SMOC2: variants seen among roughly 807,000 people sequenced by gnomAD.
SMOC2 encodes the protein SPARC-related modular calcium-binding protein 2.
Under a neutral mutation model 61.4 loss-of-function variants are expected in SMOC2, and 39 were observed. That is an observed-to-expected ratio of 0.64 (90% CI 0.49 to 0.83). The LOEUF (loss-of-function observed/expected upper bound fraction) is 0.83, where lower values mean the gene tolerates loss of function less well. Among genes scored for constraint, SMOC2 ranks in the 40% least tolerant of loss-of-function variants. The pLI is 0.00. For missense variants in SMOC2, 556 were observed against 592.9 expected (o/e 0.94, Z 0.65); for synonymous variants, 247 against 239.9 (o/e 1.03, Z -0.27).
intron 7 of SMOC2, among the ~76,000 whole-genome samples, chr6:168,550,567 A>C (rs1784108294): frequency 1.3e-5 from 2 of 152,114 alleles, no homozygotes. Flanking sequence ...GCACAGGTCC[A>C]ATGTGTGATC....
At chr6:168,607,836 C>T (rs918525488) in intron 8 of SMOC2, among the ~76,000 whole-genome samples, 1 of 152,120 alleles carries the variant, frequency 6.6e-6, no homozygotes, top group African/African-American at 2.4e-5. Context: ...TCCATCCAAC[C>T]CTGCAACGGG....
intron 1 of SMOC2, among the ~76,000 whole-genome samples, chr6:168,467,901 T>C (rs1480225412): frequency 6.6e-6 from 1 of 152,238 alleles, no homozygotes; most frequent in Admixed American, 6.5e-5. Context: ...TAATGTATTA[T>C]TTGTTATGCA....
At chr6:168,550,625 A>G (rs867272474) in intron 7 of SMOC2, among the ~76,000 whole-genome samples, 1 of 152,264 alleles carries the variant, frequency 6.6e-6, no homozygotes, top group Middle Eastern at 3.4e-3. Context: ...CCGGAGTCTT[A>G]GCTGTGTGGC....
chr6:168,472,463 TA>T (rs1456446221), intron 1 of SMOC2, among the ~76,000 whole-genome samples: 11 of 151,808 alleles, frequency 7.2e-5, no homozygotes, highest in Admixed American at 7.2e-4. Context: ...ACACTGCAAT[TA>T]ACAATTTTTA....
At chr6:168,490,324 T>C (rs1158660244) in intron 1 of SMOC2, among the ~76,000 whole-genome samples, 2 of 152,204 alleles carry the variant, frequency 1.3e-5, no homozygotes, top group Non-Finnish European at 2.9e-5. Context: ...GAATGAAATA[T>C]ATCGGGGAGG....
In SMOC2 at chr6:168,527,655, T is replaced by C. The variant is rs1463019476; in HGVS notation, c.391T>C (p.Cys131Arg). 6.4e-7 allele frequency: 1 copy of C among 1,552,176 alleles called. No individual in the cohort carries two copies. Among genetic ancestry groups the C allele is most frequent in the South Asian group, 1.2e-5 (1 of 84,126 alleles). ...QVQCHSYTGY[C>R]WCVTPNGRPI... ...CCAGTGTCACAGCTACACGGGATAC[T>C]GCTGGTGCGTCACGCCCAACGGGAG... The change falls in exon 4 of 13, where the codon TGC (cysteine) becomes CGC (arginine). Residue 131 changes from cysteine to arginine, a missense_variant. By Grantham distance (180) the Cys-to-Arg change is radical (BLOSUM62 -3). Transcript: ENST00000356284.
At chr6:168,586,373 T>A (rs1040850372) in intron 7 of SMOC2, among the ~76,000 whole-genome samples, 1 of 152,218 alleles carries the variant, frequency 6.6e-6, no homozygotes, top group African/African-American at 2.4e-5. Context: ...TCCACTAACA[T>A]CTAGTCTAGA....
chr6:168,587,163 T>A (rs977204401), intron 7 of SMOC2, among the ~76,000 whole-genome samples: 3 of 152,386 alleles, frequency 2.0e-5, no homozygotes, highest in African/African-American at 7.2e-5. Flanking sequence ...TTGTTGGTTA[T>A]GATTTGTAGT....
chr6:168,482,627 C>G (rs765261859), intron 1 of SMOC2, among the ~76,000 whole-genome samples: 13 of 152,064 alleles, frequency 8.5e-5, no homozygotes, highest in Non-Finnish European at 1.6e-4. Flanking sequence ...GCCAATATCC[C>G]TTATGAACAT....
chr6:168,626,226 C>T (rs985714432), intron 9 of SMOC2, among the ~76,000 whole-genome samples: 2 of 152,204 alleles, frequency 1.3e-5, no homozygotes, highest in Non-Finnish European at 2.9e-5. Context: ...TCACTCCTCG[C>T]ACAGACTCAA....
At chr6:168,574,096 A>G (rs1784737375) in intron 7 of SMOC2, among the ~76,000 whole-genome samples, 1 of 152,230 alleles carries the variant, frequency 6.6e-6, no homozygotes, top group Non-Finnish European at 1.5e-5. Context: ...AGCGCACTCA[A>G]TATTTCCTGC....
intron 4 of SMOC2, among the ~76,000 whole-genome samples, chr6:168,529,593 C>T (rs62424686): frequency 0.11 from 16,691 of 152,226 alleles, 1,083 homozygotes; most frequent in South Asian, 0.18. Flanking sequence ...GTGGGCACGG[C>T]GGAGCCAGTG....
At chr6:168,656,039 C>T (rs1787314582) in intron 11 of SMOC2, among the ~76,000 whole-genome samples, 1 of 152,254 alleles carries the variant, frequency 6.6e-6, no homozygotes, top group Admixed American at 6.5e-5. Context: ...TGCATTAGCT[C>T]TCACTGTCCT....
chr6:168,643,075 C>G (rs943877769), intron 9 of SMOC2, among the ~76,000 whole-genome samples: 1 of 152,134 alleles, frequency 6.6e-6, no homozygotes, highest in African/African-American at 2.4e-5. Flanking sequence ...CTTCAAAGCC[C>G]TAGGCCCTCT....
At position 168,502,736 on chromosome 6, in the gene SMOC2, T is replaced by TTTTAATTTAA. The variant is rs59846215; in HGVS notation, c.85-7149_85-7140dup. ...ATGCCTCACTTACTTTTTTATTTTA[T>TTTTAATTTAA]TTTAATTTAATTTAATTTAATTTAA... On this transcript the variant is annotated intron_variant, in intron 1 of 12. Coordinates refer to ENST00000356284, the MANE Select transcript of SMOC2 (RefSeq NM_001166412.2). 5.4e-3 allele frequency among the ~76,000 whole-genome samples: 801 copies of TTTTAATTTAA among 149,356 alleles called. 8 individuals are homozygous for TTTTAATTTAA. The highest frequency in any genetic ancestry group is 0.019 in the African/African-American group (765 of 40,378).
chr6:168,520,916 C>CA (rs1168093423), intron 2 of SMOC2, among the ~76,000 whole-genome samples: 1 of 152,200 alleles, frequency 6.6e-6, no homozygotes, highest in Admixed American at 6.5e-5. Flanking sequence ...AAAGTTTTCT[C>CA]AAAGATCCCT....
intron 1 of SMOC2, among the ~76,000 whole-genome samples, chr6:168,468,454 C>G (rs977080261): frequency 1.3e-5 from 2 of 152,250 alleles, no homozygotes; most frequent in African/African-American, 4.8e-5. Flanking sequence ...CACCTTCCCC[C>G]CGTCCCCCAC....
At chr6:168,609,123 G>A (rs187794365) in intron 9 of SMOC2, among the ~76,000 whole-genome samples, 1 of 152,328 alleles carries the variant, frequency 6.6e-6, no homozygotes, top group East Asian at 1.9e-4. Context: ...TGTTCATAGC[G>A]ATTCCACAAC....
At chr6:168,528,267 G>T (rs114423793) in intron 4 of SMOC2, among the ~76,000 whole-genome samples, 22 of 136,546 alleles carry the variant, frequency 1.6e-4, no homozygotes, top group Non-Finnish European at 2.5e-4. Context: ...TCCCATTAGT[G>T]TTTTTTTTTT....
Sources: gnomAD v4.1 joint callset for allele counts (sites outside exome capture counted in the v4.1 genomes callset) on GRCh38, gnomAD v4.1.1 for gene constraint, MANE v1.5 for transcripts, NCBI Gene and HGNC (gene_info 2026-07-23, HGNC 2026-07-21) for gene names.